REEP6: variants seen among roughly 807,000 people sequenced by gnomAD.
REEP6 encodes the protein receptor expression-enhancing protein 6.
A neutral mutation model predicts 22.4 loss-of-function variants in REEP6; 19 were observed. The observed-to-expected ratio is 0.85, with a 90% CI of 0.59 to 1.25. REEP6 has a LOEUF of 1.25. REEP6 is among the 50% of genes most tolerant of loss of function. The pLI is 0.00. For synonymous variants in REEP6, 121 were observed against 113.6 expected (o/e 1.06, Z -0.41); for missense variants, 273 against 251.9 (o/e 1.08, Z -0.57).
intron 1 of REEP6, among the ~76,000 whole-genome samples, chr19:1,494,520 GAAACC>G (rs1555691012): frequency 7.2e-5 from 11 of 152,162 alleles, no homozygotes; most frequent in Non-Finnish European, 1.2e-4. Flanking sequence ...CCAAGGCAGA[GAAACC>G]CTGCGCTAAG....
rs2085019314 is a variant in REEP6 at position 1,497,487 on chromosome 19, G to A, written c.*276G>A. On this transcript the variant is annotated 3_prime_UTR_variant, in exon 5 of 5. Transcript: ENST00000233596. This position sits in a 1 kb window ranked among gnomAD's most constrained non-coding sequence, Gnocchi z 6.5. ...CGGCAGGGCCCAGGGCCAGCGTCGG[G>A]CACAGGGCAGCTCCCACTGGTCTCG... The A allele has an allele frequency of 1.5e-6, 1 of 687,268 alleles. No homozygotes were observed. The allele number at this position is 687,268 out of a possible 1,614,324, so 42.6% of individuals were successfully genotyped here.
chr19:1,492,585 G>A (rs947234680), intron 1 of REEP6, among the ~76,000 whole-genome samples: 6 of 152,134 alleles, frequency 3.9e-5, no homozygotes, highest in Non-Finnish European at 8.8e-5. Flanking sequence ...TTCCGTTTGT[G>A]TGGTGCTCCC....
intron 1 of REEP6, among the ~76,000 whole-genome samples, chr19:1,492,741 C>CCCG (rs891406885): frequency 1.8e-4 from 27 of 152,246 alleles, no homozygotes; most frequent in African/African-American, 6.5e-4. Context: ...CCAGTTCCCC[C>CCCG]CCAATTTTCC....
At position 1,496,395 on chromosome 19, in the gene REEP6, A is replaced by T. The variant is rs1303666455; in HGVS notation, c.459A>T (p.Arg153Ser). The T allele has an allele frequency of 6.2e-7, 1 of 1,613,078 alleles. No homozygotes were observed. Among genetic ancestry groups the T allele is most frequent in the Non-Finnish European group, 8.5e-7 (1 of 1,179,894 alleles). ...LFLRHHGAVDRIMNDLSGRAL... is the reference protein window; with the variant it reads ...LFLRHHGAVDSIMNDLSGRAL... ...TAAGGCACCACGGGGCCGTAGACAGAATCATGAACGACCTCAGCGGGCGAG... is the reference window on the plus strand; with the variant it reads ...TAAGGCACCACGGGGCCGTAGACAGTATCATGAACGACCTCAGCGGGCGAG... Residue 153 changes from arginine (R) to serine (S), a missense_variant, in exon 4 of 5, where the codon AGA (arginine) becomes AGT (serine). Arg to Ser is a moderately radical substitution (Grantham distance 110, BLOSUM62 -1). Coordinates refer to ENST00000233596, the MANE Select transcript of REEP6 (RefSeq NM_138393.4).
rs1218011303 is a variant in REEP6 at position 1,491,498 on chromosome 19, C to T, written c.115+114C>T. The T allele has an allele frequency of 3.0e-6, 2 of 669,700 alleles. No individual in the cohort carries two copies. The highest frequency in any genetic ancestry group is 3.7e-5 in the South Asian group (1 of 27,208). 41.5% of individuals were successfully genotyped at this position (669,700 alleles called of 1,614,324 possible). A position where few individuals can be genotyped will look rare whatever the true frequency, so the allele number is the denominator to read the frequency against. The stretch of plus-strand genomic sequence containing the variant: ...GGGGTCCGGTCCGGCCGGTGGAGCG[C>T]GCGAGGTGACTGGGACCTCGAGGTC... On this transcript the variant is annotated intron_variant, in intron 1 of 4. Transcript: ENST00000233596. The surrounding 1 kb of genome is among the most constrained non-coding windows in gnomAD (Gnocchi z 5.4).
At position 1,491,285 on chromosome 19, in the gene REEP6, C is replaced by G. The variant is rs753449321; in HGVS notation, c.16C>G (p.Gln6Glu). ...CGTCGGGGCCATGGACGGCCTGAGG[C>G]AGCGCGTGGAGCACTTCCTGGAGCA... MDGLR[Q>E]RVEHFLEQRN... The change falls in exon 1 of 5, where the codon CAG becomes GAG. Residue 6 changes from glutamine (Q) to glutamate (E), a missense_variant. By Grantham distance (29) the Gln-to-Glu change is conservative. Transcript: ENST00000233596. The surrounding 1 kb of genome is among the most constrained non-coding windows in gnomAD (Gnocchi z 5.4). 5 of 1,468,452 alleles carry G rather than the reference C, an allele frequency of 3.4e-6. No individual in the cohort carries two copies. The South Asian group carries it at 6.7e-5, about 20-fold the overall frequency. The allele number at this position is 1,468,452 out of a possible 1,614,324, so 91.0% of individuals were successfully genotyped here. A position where few individuals can be genotyped will look rare whatever the true frequency, so the allele number is the denominator to read the frequency against.
In REEP6 at chr19:1,497,331, G is replaced by A. The variant is rs2085017716; in HGVS notation, c.*120G>A. ...AACAGCAGCCCCTGCCAGTCCCTCG[G>A]GTCCAGGCAAGGCCCTGGGGGTCTC... On this transcript the variant is annotated 3_prime_UTR_variant, in exon 5 of 5. Transcript: ENST00000233596. The surrounding 1 kb of genome is among the most constrained non-coding windows in gnomAD (Gnocchi z 6.5). The A allele has an allele frequency of 4.1e-6, 4 of 978,306 alleles. No homozygotes were observed. The highest frequency in any genetic ancestry group is 6.4e-6 in the Non-Finnish European group (4 of 624,342). The allele number at this position is 978,306 out of a possible 1,614,324, so 60.6% of individuals were successfully genotyped here.
intron 1 of REEP6, among the ~76,000 whole-genome samples, chr19:1,492,210 G>A (rs189530648): frequency 6.6e-6 from 1 of 152,244 alleles, no homozygotes; most frequent in African/African-American, 2.4e-5. Context: ...CACCTCCTGG[G>A]TTCAAGCGAT....
intron 1 of REEP6, among the ~76,000 whole-genome samples, chr19:1,493,916 C>G (rs978982562): frequency 1.1e-4 from 17 of 152,156 alleles, no homozygotes; most frequent in Admixed American, 1.1e-3. Flanking sequence ...GGTGAAACCC[C>G]GTCTCTACTA....
chr19:1,492,669 G>A (rs908377424), intron 1 of REEP6, among the ~76,000 whole-genome samples: 2 of 152,138 alleles, frequency 1.3e-5, no homozygotes, highest in African/African-American at 4.8e-5. Context: ...TGGGCCTGGG[G>A]TATTCTGGGT....
intron 3 of REEP6, chr19:1,496,063 C>A: frequency 1.7e-6 from 1 of 573,640 alleles, no homozygotes; most frequent in Non-Finnish European, 3.0e-6. Flanking sequence ...CCCAGTAGGA[C>A]GTCTGATGGT....
chr19:1,495,424 G>T, intron 2 of REEP6, 37 bp downstream of exon 2: 1 of 1,613,712 alleles, frequency 6.2e-7, no homozygotes, highest in Non-Finnish European at 8.5e-7. Flanking sequence ...GGGGGGTTCT[G>T]GGGGCTCCCT....
Position 1,491,379 on chromosome 19 carries a change from C to G in REEP6, c.110C>G (p.Ala37Gly), listed in dbSNP as rs561512625. The G allele has an allele frequency of 1.4e-6, 2 of 1,454,356 alleles. No individual in the cohort carries two copies. Among genetic ancestry groups the G allele is most frequent in the South Asian group, 1.4e-5 (1 of 71,806 alleles). The allele number at this position is 1,454,356 out of a possible 1,614,324, so 90.1% of individuals were successfully genotyped here. ...AKTGVEKRYL[A>G]AGAVTLLSLY... ...ACCGGGGTGGAGAAGCGGTATCTGG[C>G]TGCAGGTGAGCCGTCGGCGCTAGCC... The change falls in exon 1 of 5, where the codon GCT (alanine) becomes GGT (glycine). Residue 37 changes from alanine (A) to glycine (G), a missense_variant. Transcript: ENST00000233596. The surrounding 1 kb of genome is among the most constrained non-coding windows in gnomAD (Gnocchi z 5.4).
chr19:1,496,618 C>T (rs777320893), intron 4 of REEP6, 165 bp downstream of exon 4: 1 of 923,394 alleles, frequency 1.1e-6, no homozygotes, highest in Non-Finnish European at 1.7e-6. Flanking sequence ...CGTAGCCGGG[C>T]AGGCATCACC....
At chr19:1,494,142 G>T (rs1401287869) in intron 1 of REEP6, among the ~76,000 whole-genome samples, 1 of 152,190 alleles carries the variant, frequency 6.6e-6, no homozygotes, top group Non-Finnish European at 1.5e-5. Context: ...ATAGGAGGCA[G>T]GGGCCATTAC....
In REEP6 at chr19:1,491,735, C is replaced by T. The variant is rs916291495; in HGVS notation, c.115+351C>T. On this transcript the variant is annotated intron_variant, in intron 1 of 4. Coordinates refer to ENST00000233596, the MANE Select transcript of REEP6 (RefSeq NM_138393.4). This position sits in a 1 kb window ranked among gnomAD's most constrained non-coding sequence, Gnocchi z 5.4. Reference sequence around the variant, plus strand: ...GCCGTCCCCCTTCCCCCGTGGACCCCGGCCTGGCTGCAACAGTAGAGATCT... The same window carrying T: ...GCCGTCCCCCTTCCCCCGTGGACCCTGGCCTGGCTGCAACAGTAGAGATCT... 2.6e-5 allele frequency among the ~76,000 whole-genome samples: 4 copies of T among 152,218 alleles called. No homozygotes were observed. Among genetic ancestry groups the T allele is most frequent in the African/African-American group, 7.2e-5 (3 of 41,458 alleles).
chr19:1,496,790 C>T (rs2085012208), intron 4 of REEP6: 1 of 599,150 alleles, frequency 1.7e-6, no homozygotes, highest in African/African-American at 1.8e-5. Context: ...CATGTTTTGT[C>T]ATGTGCAAGA....
At chr19:1,492,110 C>T (rs1334977796) in intron 1 of REEP6, among the ~76,000 whole-genome samples, 1 of 152,202 alleles carries the variant, frequency 6.6e-6, no homozygotes, top group Non-Finnish European at 1.5e-5. Context: ...ATGCCTCCCT[C>T]CCCACCTTTA....
rs762648764 is a variant in REEP6, at chr19:1,496,393, A to G, written c.457A>G (p.Arg153Gly). The G allele has an allele frequency of 1.2e-5, 19 of 1,613,200 alleles. No individual in the cohort carries two copies. Among genetic ancestry groups the G allele is most frequent in the Non-Finnish European group, 1.5e-5 (18 of 1,179,888 alleles). ...CCTAAGGCACCACGGGGCCGTAGAC[A>G]GAATCATGAACGACCTCAGCGGGCG... is the stretch of plus-strand genomic sequence containing the variant. Reference protein sequence around the residue: ...LFLRHHGAVDRIMNDLSGRAL... With the variant: ...LFLRHHGAVDGIMNDLSGRAL... Residue 153 changes from arginine (R) to glycine (G), a missense_variant, in exon 4 of 5, where the codon AGA becomes GGA. Physicochemically the swap from Arg to Gly is moderately radical, Grantham distance 125 (BLOSUM62 -2). Transcript: ENST00000233596.
Sources: allele counts gnomAD v4.1 joint callset (sites outside exome capture counted in the v4.1 genomes callset), GRCh38; gene constraint gnomAD v4.1.1; non-coding constraint Gnocchi (gnomAD v3.1); transcripts MANE v1.5; gene names NCBI Gene and HGNC (gene_info 2026-07-23, HGNC 2026-07-21).